RAPGEF2: variants seen among roughly 807,000 people sequenced by gnomAD.
RAPGEF2 encodes the protein PDZ domain containing guanine nucleotide exchange factor (GEF) 1.
RAPGEF2 carries 54 observed loss-of-function variants against 186.7 expected under a neutral mutation model. The ratio of observed to expected loss-of-function variants is 0.29; its 90% CI spans 0.23 to 0.36. RAPGEF2 has a LOEUF of 0.36. RAPGEF2 is among the 10% of genes least tolerant of loss of function. The pLI is 1.00. For synonymous variants in RAPGEF2, 712 were observed against 705.9 expected (o/e 1.01, Z -0.14); for missense variants, 1,532 against 2,045.0 (o/e 0.75, Z 4.84).
chr4:159,337,236 C>T (rs1767553737), intron 17 of RAPGEF2, among the ~76,000 whole-genome samples: 1 of 152,124 alleles, frequency 6.6e-6, no homozygotes, highest in Non-Finnish European at 1.5e-5. Flanking sequence ...GGAAATGTCA[C>T]CATGCACCAC....
At chr4:159,297,215 G>C (rs1487316055) in intron 7 of RAPGEF2, among the ~76,000 whole-genome samples, 1 of 152,118 alleles carries the variant, frequency 6.6e-6, no homozygotes, top group Non-Finnish European at 1.5e-5. Flanking sequence ...AAAGTAGCAA[G>C]GAACGTTTGA....
intron 4 of RAPGEF2, among the ~76,000 whole-genome samples, chr4:159,236,971 A>G (rs1489650219): frequency 1.3e-5 from 2 of 152,198 alleles, no homozygotes; most frequent in Non-Finnish European, 2.9e-5. Context: ...GAATATCAAA[A>G]AATTTTTTTT....
chr4:159,212,354 T>A (rs577041253), intron 4 of RAPGEF2, among the ~76,000 whole-genome samples: 1 of 152,354 alleles, frequency 6.6e-6, no homozygotes, highest in East Asian at 1.9e-4. Flanking sequence ...AGCATTGGCA[T>A]ATTTTAAAAA....
chr4:159,280,460 T>C (rs558175829), intron 7 of RAPGEF2, among the ~76,000 whole-genome samples: 1 of 152,310 alleles, frequency 6.6e-6, no homozygotes, highest in African/African-American at 2.4e-5. Flanking sequence ...GTCTCTACTC[T>C]CTGAAAAGAG....
chr4:159,315,853 G>A (rs901209270), intron 9 of RAPGEF2, among the ~76,000 whole-genome samples: 11 of 152,118 alleles, frequency 7.2e-5, no homozygotes, highest in Non-Finnish European at 1.2e-4. Flanking sequence ...ACATGAAGAC[G>A]GACTAGGAGC....
intron 17 of RAPGEF2, chr4:159,332,914 T>C (rs1766888650): frequency 2.7e-6 from 1 of 366,408 alleles, no homozygotes; most frequent in South Asian, 1.2e-4. Flanking sequence ...AGTTTAGCAT[T>C]TCCTCATTTG....
chr4:159,197,146 T>C (rs1285450939), intron 3 of RAPGEF2, among the ~76,000 whole-genome samples: 1 of 152,230 alleles, frequency 6.6e-6, no homozygotes, highest in Admixed American at 6.5e-5. Flanking sequence ...AATTTAATCT[T>C]AAATGAGAAA....
chr4:159,263,676 G>A (rs762304006), intron 7 of RAPGEF2, among the ~76,000 whole-genome samples: 21 of 151,846 alleles, frequency 1.4e-4, no homozygotes, highest in Non-Finnish European at 2.6e-4. Flanking sequence ...ATTCCCTTGC[G>A]TTTTGATGAA....
At chr4:159,181,767 C>T (rs929428013) in intron 1 of RAPGEF2, among the ~76,000 whole-genome samples, 6 of 152,078 alleles carry the variant, frequency 3.9e-5, no homozygotes, top group Non-Finnish European at 7.4e-5. Flanking sequence ...GATCTCCTGA[C>T]CTCAGGTCAT....
intron 6 of RAPGEF2, 40 bp from the exon 7 acceptor site, chr4:159,243,729 TTTTCC>T: frequency 1.6e-6 from 2 of 1,227,446 alleles, no homozygotes; most frequent in Non-Finnish European, 2.1e-6. Flanking sequence ...AATGTTCATC[TTTTCC>T]TTTCCTCCTT....
chr4:159,198,060 A>G (rs543345592), intron 3 of RAPGEF2, among the ~76,000 whole-genome samples: 19 of 152,140 alleles, frequency 1.2e-4, no homozygotes, highest in African/African-American at 4.1e-4. Context: ...CTCATATCCA[A>G]TTATTACACT....
rs369949007 is a variant in RAPGEF2 at position 159,137,516 on chromosome 4, A to G, written c.69+33285A>G. On this transcript the variant is annotated intron_variant, in intron 1 of 29. Transcript: ENST00000691494. ...CCATCTCCAAGTACTATCACATGAG[A>G]TTAGGGCTTCAGTATATGAATTTTA... Among the ~76,000 whole-genome samples, 5 of 152,268 alleles carry G rather than the reference A, an allele frequency of 3.3e-5. No individual in the cohort carries two copies. In the East Asian group the frequency reaches 9.6e-4, roughly 29 times the overall value.
At position 159,353,958 on chromosome 4, in the gene RAPGEF2, C is replaced by G. The variant is rs1457434667; in HGVS notation, c.4563C>G (p.Ser1521Arg). Residue 1521 changes from serine to arginine, a missense_variant, in exon 28 of 30, where the codon AGC becomes AGG. Physicochemically the swap from Ser to Arg is moderately radical, Grantham distance 110 (BLOSUM62 -1). Transcript: ENST00000691494. The surrounding 1 kb of genome is among the most constrained non-coding windows in gnomAD (Gnocchi z 4.3). ...KDVSIEAESS[S>R]LTSVTTEETK... The stretch of plus-strand genomic sequence containing the variant: ...TTTCCATTGAAGCCGAAAGCAGTAG[C>G]CTAACGTCTGTGACTACGGAAGAAA... 3 of 1,613,866 alleles carry G rather than the reference C, an allele frequency of 1.9e-6. No individual in the cohort carries two copies. The African/African-American group carries it at 4.0e-5, about 22-fold the overall frequency.
intron 1 of RAPGEF2, among the ~76,000 whole-genome samples, chr4:159,130,069 C>A (rs1312675491): frequency 6.6e-6 from 1 of 152,168 alleles, no homozygotes. Context: ...CAGACATTGC[C>A]ATGGCATTTG....
Position 159,169,543 on chromosome 4 carries a change from C to T in RAPGEF2, c.70-17099C>T, listed in dbSNP as rs1745678145. ...ATTAGAGCTCTTGAACTTACTCCTC[C>T]TAGCTAATTTTGTGTCATTTGATCA... is the stretch of plus-strand genomic sequence containing the variant. On this transcript the variant is annotated intron_variant, in intron 1 of 29. Coordinates refer to ENST00000691494, the MANE Select transcript of RAPGEF2 (RefSeq NM_001394067.2). 2.6e-5 allele frequency among the ~76,000 whole-genome samples: 4 copies of T among 152,082 alleles called. 1 individual carries two copies. The South Asian group carries it at 8.3e-4, about 31-fold the overall frequency.
intron 4 of RAPGEF2, among the ~76,000 whole-genome samples, chr4:159,236,642 CA>C (rs33971268): frequency 0.36 from 54,469 of 151,594 alleles, 10,194 homozygotes; most frequent in Non-Finnish European, 0.4. Flanking sequence ...TAAACTTGTC[CA>C]AGTCTGTAAC....
At chr4:159,136,251 C>T (rs1741709919) in intron 1 of RAPGEF2, among the ~76,000 whole-genome samples, 2 of 152,270 alleles carry the variant, frequency 1.3e-5, no homozygotes, top group East Asian at 3.8e-4. Flanking sequence ...TGGCACAGTT[C>T]TCCAAATTAA....
At chr4:159,163,119 G>A (rs1744897491) in intron 1 of RAPGEF2, among the ~76,000 whole-genome samples, 2 of 152,178 alleles carry the variant, frequency 1.3e-5, no homozygotes, top group Non-Finnish European at 2.9e-5. Context: ...AGAAAAGGTA[G>A]CTAGTAGGTA....
rs141007524 is a variant in RAPGEF2, at chr4:159,341,331, C to T, written c.2535-233C>T. 2.0e-3 allele frequency among the ~76,000 whole-genome samples: 299 copies of T among 152,246 alleles called. 1 individual carries two copies. The highest frequency in any genetic ancestry group is 3.8e-3 in the African/African-American group (157 of 41,536). ...GAAAGGATAGAAAGTGCAACTAGTG[C>T]GAGTGAAATTCCATGTGATTTGTTT... On this transcript the variant is annotated intron_variant, in intron 19 of 29. Transcript: ENST00000691494.
Sources: gnomAD v4.1 joint callset for allele counts (sites outside exome capture counted in the v4.1 genomes callset) on GRCh38, gnomAD v4.1.1 for gene constraint, Gnocchi (gnomAD v3.1) non-coding constraint, MANE v1.5 for transcripts, NCBI Gene and HGNC (gene_info 2026-07-23, HGNC 2026-07-21) for gene names.